The following FNIP1 variants were observed in gnomAD, a reference collection of about 807,000 sequenced individuals.
FNIP1 encodes the protein folliculin-interacting protein 1.
A neutral mutation model predicts 124.5 loss-of-function variants in FNIP1; 40 were observed. That is an observed-to-expected ratio of 0.32 (90% CI 0.25 to 0.42). The LOEUF (loss-of-function observed/expected upper bound fraction) is 0.42. Ranked by LOEUF, FNIP1 falls within the 10% of genes least tolerant of loss-of-function variation. FNIP1 has a pLI of 1.00. For synonymous variants in FNIP1, 472 were observed against 470.6 expected (o/e 1.00, Z -0.04); for missense variants, 1,176 against 1,403.7 (o/e 0.84, Z 2.59).
chr5:131,672,880 T>C lies in FNIP1; in HGVS notation c.1564A>G (p.Thr522Ala). ...TCTTGTCGTTTGCCAACTACCACAG[T>C]CCTTGCTAACCGTACGGGAGAGCCA... The part of the protein sequence containing the change: ...AIGSPVRLAR[T>A]VVVGKRQDMV... Residue 522 changes from threonine to alanine, a missense_variant, in exon 14 of 18, where the codon ACT becomes GCT. By Grantham distance (58) the Thr-to-Ala change is moderately conservative. Transcript: ENST00000510461. 1 of 1,597,588 alleles carries C rather than the reference T, an allele frequency of 6.3e-7. No individual in the cohort carries two copies. The highest frequency in any genetic ancestry group is 8.5e-7 in the Non-Finnish European group (1 of 1,173,020).
chr5:131,754,395 A>T (rs2149567731), intron 1 of FNIP1, among the ~76,000 whole-genome samples: 1 of 152,350 alleles, frequency 6.6e-6, no homozygotes, highest in Non-Finnish European at 1.5e-5. Context: ...ATCATAAACG[A>T]CATACAATAA....
At chr5:131,709,159 C>G in intron 8 of FNIP1, 42 bp downstream of exon 8, 1 of 1,515,484 alleles carries the variant, frequency 6.6e-7, no homozygotes, top group South Asian at 1.1e-5. Flanking sequence ...TCAATGCCAA[C>G]AGTAATCTCA....
intron 2 of FNIP1, among the ~76,000 whole-genome samples, chr5:131,733,047 C>A (rs1454366445): frequency 3.3e-5 from 5 of 152,102 alleles, no homozygotes; most frequent in Non-Finnish European, 7.4e-5. Context: ...TCCTTCACAT[C>A]CCTTGTAAGT....
intron 1 of FNIP1, among the ~76,000 whole-genome samples, chr5:131,789,163 A>T (rs1160747322): frequency 6.6e-6 from 1 of 152,254 alleles, no homozygotes; most frequent in African/African-American, 2.4e-5. Context: ...AATTAGGCAC[A>T]GAAAGACAAA....
chr5:131,655,081 A>C (rs1043288375), intron 15 of FNIP1, among the ~76,000 whole-genome samples: 1 of 152,222 alleles, frequency 6.6e-6, no homozygotes, highest in Non-Finnish European at 1.5e-5. Context: ...GTCCACTTAG[A>C]TGCCAATTTT....
At chr5:131,648,260 T>A (rs1244120538) in intron 16 of FNIP1, among the ~76,000 whole-genome samples, 1 of 147,460 alleles carries the variant, frequency 6.8e-6, no homozygotes, top group Non-Finnish European at 1.5e-5. Context: ...GTTTTGAGGG[T>A]GCATTGAGCC....
Position 131,672,390 on chromosome 5 carries a change from C to T in FNIP1, c.2054G>A (p.Gly685Glu). The T allele has an allele frequency of 1.2e-6, 2 of 1,614,128 alleles. No homozygotes were observed. Among genetic ancestry groups the T allele is most frequent in the Non-Finnish European group, 1.7e-6 (2 of 1,180,036 alleles). ...DAKLETVVCT[G>E]SVPVDKCALS... ...TGCACATTTGTCTACTGGAACAGAT[C>T]CTGTGCAAACAACTGTCTCTAACTT... Residue 685 changes from glycine to glutamate, a missense_variant, in exon 14 of 18, where the codon GGA becomes GAA. Around this residue, in one of 2 missense-constraint regions of FNIP1, gnomAD observed 1,109 missense variants for 1,288.5 expected, o/e 0.86. Transcript: ENST00000510461.
intron 1 of FNIP1, among the ~76,000 whole-genome samples, chr5:131,770,852 A>G (rs986616041): frequency 1.3e-5 from 2 of 152,240 alleles, no homozygotes; most frequent in Non-Finnish European, 2.9e-5. Flanking sequence ...CCATCAGTGT[A>G]GAGGCAAACA....
intron 1 of FNIP1, among the ~76,000 whole-genome samples, chr5:131,785,302 C>T (rs954887373): frequency 6.6e-6 from 1 of 151,584 alleles, no homozygotes; most frequent in African/African-American, 2.4e-5. Context: ...CGCCTGTAAT[C>T]CCAGCACTCT....
chr5:131,704,834 GA>G (rs1178578025), intron 9 of FNIP1, among the ~76,000 whole-genome samples: 2 of 151,850 alleles, frequency 1.3e-5, no homozygotes, highest in African/African-American at 4.8e-5. Flanking sequence ...ACTCTTAGAA[GA>G]AAACAAAGGG....
intron 10 of FNIP1, among the ~76,000 whole-genome samples, chr5:131,700,545 C>A (rs187538281): frequency 1.1e-4 from 16 of 152,026 alleles, no homozygotes; most frequent in Non-Finnish European, 2.2e-4. Context: ...AAGTGAAACA[C>A]GCTTTATGTT....
chr5:131,697,433 T>G (rs1163963672), intron 11 of FNIP1, among the ~76,000 whole-genome samples: 1 of 151,854 alleles, frequency 6.6e-6, no homozygotes, highest in Non-Finnish European at 1.5e-5. Context: ...CCCAGATACA[T>G]ATTTTTAATT....
At position 131,796,984 on chromosome 5, in the gene FNIP1, C is replaced by T; in HGVS notation, c.-63G>A. On this transcript the variant is annotated 5_prime_UTR_variant, in exon 1 of 18. Coordinates refer to ENST00000510461, the MANE Select transcript of FNIP1 (RefSeq NM_133372.3). ...CTTGCTAGGCCCCTGCTCCTACAGC[C>T]GCCCCGCCACCCCCATGGGCGCCTC... 1.4e-6 allele frequency: 2 copies of T among 1,428,594 alleles called. No homozygotes were observed. Among genetic ancestry groups the T allele is most frequent in the Non-Finnish European group, 9.6e-7 (1 of 1,046,472 alleles). 88.5% of individuals were successfully genotyped at this position (1,428,594 alleles called of 1,614,324 possible). A position where few individuals can be genotyped will look rare whatever the true frequency, so the allele number is the denominator to read the frequency against.
chr5:131,748,760 T>C (rs1004093229), intron 1 of FNIP1, among the ~76,000 whole-genome samples: 2 of 151,946 alleles, frequency 1.3e-5, no homozygotes, highest in Admixed American at 6.6e-5. Context: ...ACTATACTTT[T>C]ATCATTATTT....
In FNIP1 at chr5:131,686,443, C is replaced by T. The variant is rs147735434; in HGVS notation, c.1203-7268G>A. Among the ~76,000 whole-genome samples, 552 of 152,284 alleles carry T rather than the reference C, an allele frequency of 3.6e-3. 2 individuals are homozygous for T. Among genetic ancestry groups the T allele is most frequent in the African/African-American group, 0.012 (519 of 41,556 alleles). ...CACTGCAACCTTGACTACCTAGGCTCAACCAATCCTGCCAAGCTTCAGCCT... is the reference window on the plus strand; with the variant it reads ...CACTGCAACCTTGACTACCTAGGCTTAACCAATCCTGCCAAGCTTCAGCCT... On this transcript the variant is annotated intron_variant, in intron 11 of 17. Coordinates refer to ENST00000510461, the MANE Select transcript of FNIP1 (RefSeq NM_133372.3).
chr5:131,666,510 C>T (rs1307892950), intron 15 of FNIP1, among the ~76,000 whole-genome samples: 1 of 152,110 alleles, frequency 6.6e-6, no homozygotes, highest in Non-Finnish European at 1.5e-5. Flanking sequence ...TTGTATTACT[C>T]TTTGTTCATC....
Position 131,672,588 on chromosome 5 carries a change from C to G in FNIP1, c.1856G>C (p.Gly619Ala). The change falls in exon 14 of 18, where the codon GGG becomes GCG. Residue 619 changes from glycine (G) to alanine (A), a missense_variant. Coordinates refer to ENST00000510461, the MANE Select transcript of FNIP1 (RefSeq NM_133372.3). ...NCKYCSHPLLGQNVENISQQE... is the reference protein window; with the variant it reads ...NCKYCSHPLLAQNVENISQQE... ...TTGTGAAATGTTCTCTACATTTTGC[C>G]CAAGGAGTGGATGACTGCAATATTT... 2 of 1,614,012 alleles carry G rather than the reference C, an allele frequency of 1.2e-6. No individual in the cohort carries two copies. The highest frequency in any genetic ancestry group is 1.7e-6 in the Non-Finnish European group (2 of 1,179,992).
intron 1 of FNIP1, among the ~76,000 whole-genome samples, chr5:131,767,166 G>T (rs1202800190): frequency 1.3e-5 from 2 of 152,002 alleles, no homozygotes; most frequent in African/African-American, 4.8e-5. Context: ...AGGCGTGGTG[G>T]CTCACGCCTG....
intron 16 of FNIP1, among the ~76,000 whole-genome samples, chr5:131,648,870 G>A (rs754892650): frequency 8.5e-5 from 13 of 152,082 alleles, no homozygotes; most frequent in Non-Finnish European, 1.8e-4. Context: ...CTATGAATCT[G>A]CCTATTTGTG....
Sources: gnomAD v4.1 joint callset for allele counts (sites outside exome capture counted in the v4.1 genomes callset) on GRCh38, gnomAD v4.1.1 for gene constraint, gnomAD v4.1.1 regional missense constraint, MANE v1.5 for transcripts, NCBI Gene and HGNC (gene_info 2026-07-23, HGNC 2026-07-21) for gene names.